The following CPXM2 variants were observed in gnomAD, a reference collection of about 807,000 sequenced individuals.
CPXM2 encodes the protein carboxypeptidase X, M14 family member 2.
A neutral mutation model predicts 86.1 loss-of-function variants in CPXM2; 66 were observed. The ratio of observed to expected loss-of-function variants is 0.77; its 90% CI spans 0.63 to 0.94. The LOEUF (loss-of-function observed/expected upper bound fraction) is 0.94, where lower values mean the gene tolerates loss of function less well. Ranked by LOEUF, CPXM2 falls within the 40% of genes least tolerant of loss-of-function variation. The pLI is 0.00. For synonymous variants in CPXM2, 388 were observed against 400.2 expected (o/e 0.97, Z 0.36); for missense variants, 948 against 1,026.3 (o/e 0.92, Z 1.04).
intron 4 of CPXM2, among the ~76,000 whole-genome samples, chr10:123,803,437 T>A (rs542701386): frequency 1.1e-4 from 16 of 151,796 alleles, no homozygotes; most frequent in African/African-American, 3.4e-4. Flanking sequence ...TGACAAAAAA[T>A]TCTTAATATA....
chr10:123,812,287 A>C (rs572737695), intron 4 of CPXM2, among the ~76,000 whole-genome samples: 2 of 152,266 alleles, frequency 1.3e-5, no homozygotes, highest in Non-Finnish European at 2.9e-5. Context: ...AGGTAACAAC[A>C]TGGATGATCC....
chr10:123,774,217 G>A (rs564280337), intron 7 of CPXM2, among the ~76,000 whole-genome samples: 14 of 152,286 alleles, frequency 9.2e-5, no homozygotes, highest in African/African-American at 2.9e-4. Flanking sequence ...GCAGGTGCCC[G>A]TTAGGGAGGC....
intron 3 of CPXM2, among the ~76,000 whole-genome samples, chr10:123,859,144 C>A (rs1848802072): frequency 6.6e-6 from 1 of 152,228 alleles, no homozygotes; most frequent in African/African-American, 2.4e-5. Context: ...CAGCTCACAG[C>A]CTGCACTAGG....
chr10:123,855,251 G>C (rs1848695127), intron 3 of CPXM2, among the ~76,000 whole-genome samples: 1 of 152,116 alleles, frequency 6.6e-6, no homozygotes, highest in African/African-American at 2.4e-5. Context: ...GACATTCCTT[G>C]ACTCGGAAAC....
chr10:123,892,794 C>T (rs1191238164), upstream of CPXM2, among the ~76,000 whole-genome samples: 2 of 152,312 alleles, frequency 1.3e-5, no homozygotes, highest in African/African-American at 4.8e-5. Context: ...GTAGGACTGA[C>T]GTGCAGTTCA....
intron 2 of CPXM2, among the ~76,000 whole-genome samples, chr10:123,873,179 C>T (rs1944921175): frequency 6.8e-6 from 1 of 147,920 alleles, no homozygotes; most frequent in African/African-American, 2.5e-5. Context: ...ATGTGATTAA[C>T]AAGAGTTTAG....
chr10:123,856,607 T>C (rs1400560026), intron 3 of CPXM2, among the ~76,000 whole-genome samples: 1 of 152,138 alleles, frequency 6.6e-6, no homozygotes, highest in Non-Finnish European at 1.5e-5. Context: ...TTTGTTTTTT[T>C]TTGAGACAGA....
intron 6 of CPXM2, among the ~76,000 whole-genome samples, chr10:123,797,606 G>T (rs4364996): frequency 1.3e-5 from 2 of 151,484 alleles, no homozygotes; most frequent in South Asian, 4.2e-4. Context: ...TTGAGACAGG[G>T]TGGAGTGTAG....
chr10:123,883,603 G>T (rs74515194), intron 1 of CPXM2, among the ~76,000 whole-genome samples: 5,160 of 152,358 alleles, frequency 0.034, 122 homozygotes, highest in East Asian at 0.11. Context: ...AGGAATAACA[G>T]CTAATGTGCA....
At chr10:123,834,517 C>A (rs1209113400) in intron 4 of CPXM2, among the ~76,000 whole-genome samples, 1 of 152,206 alleles carries the variant, frequency 6.6e-6, no homozygotes, top group African/African-American at 2.4e-5. Flanking sequence ...GTTGTGCCTG[C>A]AGGCAGAGGA....
chr10:123,937,902 C>A (rs1945737705), intron 2 of CPXM2, among the ~76,000 whole-genome samples: 1 of 152,144 alleles, frequency 6.6e-6, no homozygotes, highest in South Asian at 2.1e-4. Context: ...TGTGGAAGTG[C>A]AAGAAACCCC....
At chr10:123,815,981 T>C (rs1847806217) in intron 4 of CPXM2, among the ~76,000 whole-genome samples, 1 of 152,066 alleles carries the variant, frequency 6.6e-6, no homozygotes, top group East Asian at 1.9e-4. Flanking sequence ...GTTAAAAAAG[T>C]TCTAACAGTT....
intron 2 of CPXM2, chr10:123,913,689 G>A (rs1333712636): frequency 5.0e-6 from 1 of 201,530 alleles, no homozygotes; most frequent in Non-Finnish European, 1.0e-5. Flanking sequence ...GGTGTGAGGA[G>A]AGGAAGGAAA....
intron 4 of CPXM2, among the ~76,000 whole-genome samples, chr10:123,832,826 TA>T (rs537178892): frequency 4.0e-4 from 53 of 133,368 alleles, no homozygotes; most frequent in Admixed American, 3.7e-4. Flanking sequence ...AAACTCTGTC[TA>T]AAAAAAAAAA....
At chr10:123,777,483 C>G (rs113053885) in intron 7 of CPXM2, 4,249 of 153,052 alleles carry the variant, frequency 0.028, 91 homozygotes, top group Middle Eastern at 0.047. Flanking sequence ...CATCCTTCTT[C>G]AGGCACAGAG....
chr10:123,851,506 A>C (rs1848596188), intron 3 of CPXM2, among the ~76,000 whole-genome samples: 1 of 152,188 alleles, frequency 6.6e-6, no homozygotes, highest in Admixed American at 6.5e-5. Flanking sequence ...ACGGTGGCTC[A>C]TGCCTGTAAT....
chr10:123,855,366 A>AAAACAAACAAAC (rs1156239285), intron 3 of CPXM2, among the ~76,000 whole-genome samples: 28 of 152,354 alleles, frequency 1.8e-4, no homozygotes, highest in African/African-American at 6.3e-4. Flanking sequence ...AGGAAAAACA[A>AAAACAAACAAAC]AAACAAACAA....
chr10:123,920,979 A>T (rs1945574632), intron 2 of CPXM2, among the ~76,000 whole-genome samples: 1 of 151,996 alleles, frequency 6.6e-6, no homozygotes, highest in Non-Finnish European at 1.5e-5. Context: ...CTCAGAAATA[A>T]TTTTTTTCCT....
At chr10:123,941,563 G>A (rs140514517), upstream of CPXM2, among the ~76,000 whole-genome samples, 182 of 152,346 alleles carry the variant, frequency 1.2e-3, 1 homozygote, top group Admixed American at 1.6e-3. Flanking sequence ...AGAGGTCCTA[G>A]AGGTTAGGAT....
Sources: gnomAD v4.1 joint callset for allele counts (sites outside exome capture counted in the v4.1 genomes callset) on GRCh38, gnomAD v4.1.1 for gene constraint, MANE v1.5 for transcripts, NCBI Gene and HGNC (gene_info 2026-07-23, HGNC 2026-07-21) for gene names.